PTPRT: variants seen among roughly 807,000 people sequenced by gnomAD.
PTPRT encodes the protein receptor-type tyrosine-protein phosphatase T.
Under a neutral mutation model 176.8 loss-of-function variants are expected in PTPRT, and 56 were observed. The observed-to-expected ratio is 0.32, with a 90% CI of 0.26 to 0.40. PTPRT has a LOEUF of 0.40. Among genes scored for constraint, PTPRT ranks in the 10% least tolerant of loss-of-function variants. The probability of loss-of-function intolerance (pLI) is 1.00; values close to 1 mark genes in which losing one functional copy is unlikely to be tolerated. For synonymous variants in PTPRT, 783 were observed against 739.0 expected (o/e 1.06, Z -0.96); for missense variants, 1,540 against 1,908.2 (o/e 0.81, Z 3.60).
intron 25 of PTPRT, 62 bp from the exon 26 acceptor site, chr20:42,102,359 A>T (rs905871842): frequency 6.5e-6 from 10 of 1,545,076 alleles, no homozygotes; most frequent in African/African-American, 2.7e-5. Flanking sequence ...AGCAAAAGAG[A>T]CAGTAATGTT....
intron 16 of PTPRT, among the ~76,000 whole-genome samples, chr20:42,166,164 G>A (rs968072942): frequency 2.0e-5 from 3 of 152,302 alleles, no homozygotes; most frequent in African/African-American, 4.8e-5. Context: ...GGTGCACACA[G>A]ACTTATCCAG....
At chr20:42,083,887 T>C (rs1352285383) in intron 29 of PTPRT, among the ~76,000 whole-genome samples, 7 of 152,230 alleles carry the variant, frequency 4.6e-5, no homozygotes, top group Non-Finnish European at 8.8e-5. Flanking sequence ...TGTGAGACTT[T>C]GTAGAATCCT....
intron 2 of PTPRT, among the ~76,000 whole-genome samples, chr20:42,831,757 A>G (rs2078093020): frequency 6.6e-6 from 1 of 152,252 alleles, no homozygotes; most frequent in Admixed American, 6.5e-5. Context: ...CATGCATCCA[A>G]CAAGCACATG....
rs149484825 is a variant in PTPRT at position 42,431,630 on chromosome 20, C to T, written c.1560+16590G>A. ...GTGATCTTTTTCTCTGATATCCAAA[C>T]ATTCTATAATATTGTTATAAAAATT... On this transcript the variant is annotated intron_variant, in intron 9 of 30. Transcript: ENST00000373187. 9.2e-5 allele frequency among the ~76,000 whole-genome samples: 14 copies of T among 152,290 alleles called. No homozygotes were observed. In the East Asian group the frequency reaches 2.5e-3, roughly 27 times the overall value.
intron 2 of PTPRT, among the ~76,000 whole-genome samples, chr20:42,847,026 T>C (rs1406231392): frequency 1.3e-5 from 2 of 152,164 alleles, no homozygotes; most frequent in Non-Finnish European, 2.9e-5. Context: ...GTGGTGATAA[T>C]AACAGTCTCC....
rs2075540067 is a variant in PTPRT at position 42,678,128 on chromosome 20, C to A, written c.891G>T (p.Leu297=). ...ACAGGTATGTGGCCCCCACAGCCAG[C>A]AGCTCTGGGGGAGCAATGGGCGTGG... is the stretch of plus-strand genomic sequence containing the variant. The part of the protein sequence containing the change: ...EPPTPIAPPE[L]LAVGATYLWI... Residue 297 remains leucine, a synonymous_variant, in exon 7 of 31, where the codon CTG becomes CTT. Transcript: ENST00000373187. 8 of 1,614,028 alleles carry A rather than the reference C, an allele frequency of 5.0e-6. No individual in the cohort carries two copies. The highest frequency in any genetic ancestry group is 6.8e-6 in the Non-Finnish European group (8 of 1,179,942).
chr20:42,155,390 C>A (rs1179874039), intron 17 of PTPRT, among the ~76,000 whole-genome samples: 2 of 152,188 alleles, frequency 1.3e-5, no homozygotes, highest in Admixed American at 1.3e-4. Context: ...GCGGCAGCCC[C>A]AGATAGTGAG....
intron 7 of PTPRT, among the ~76,000 whole-genome samples, chr20:42,659,427 G>A (rs1320090555): frequency 5.3e-5 from 8 of 152,284 alleles, no homozygotes; most frequent in South Asian, 2.1e-4. Flanking sequence ...ACAGAATACC[G>A]TTACCTTGAT....
chr20:42,800,164 G>A lies in PTPRT; in HGVS notation c.215-8698C>T, dbSNP rs551419295. 4.6e-5 allele frequency among the ~76,000 whole-genome samples: 7 copies of A among 152,216 alleles called. No homozygotes were observed. In the South Asian group the frequency reaches 1.5e-3, roughly 32 times the overall value. On this transcript the variant is annotated intron_variant, in intron 2 of 30. Coordinates refer to ENST00000373187, the MANE Select transcript of PTPRT (RefSeq NM_007050.6). ...TACTATCATTCTTCTTTTACAGTTGGGAAAACTGAGAAACAGAGAGCTTAA... is the reference window on the plus strand; with the variant it reads ...TACTATCATTCTTCTTTTACAGTTGAGAAAACTGAGAAACAGAGAGCTTAA...
At chr20:43,003,493 C>T (rs537482992) in intron 1 of PTPRT, among the ~76,000 whole-genome samples, 3 of 152,338 alleles carry the variant, frequency 2.0e-5, no homozygotes, top group South Asian at 2.1e-4. Flanking sequence ...TGAGAAACCA[C>T]GCCCAGCCTC....
At chr20:42,763,370 AAC>A (rs926766482) in intron 5 of PTPRT, among the ~76,000 whole-genome samples, 6 of 152,254 alleles carry the variant, frequency 3.9e-5, no homozygotes, top group Non-Finnish European at 8.8e-5. Flanking sequence ...GGTTTTGCAC[AAC>A]AGATACTATG....
chr20:42,729,277 G>A lies in PTPRT; in HGVS notation c.859+27185C>T, dbSNP rs181636104. Among the ~76,000 whole-genome samples, 194 of 152,166 alleles carry A rather than the reference G, an allele frequency of 1.3e-3. 2 individuals are homozygous for A. Among genetic ancestry groups the A allele is most frequent in the Admixed American group, 0.011 (163 of 15,294 alleles). On this transcript the variant is annotated intron_variant, in intron 6 of 30. Transcript: ENST00000373187. ...TTTCTGAGTCTACCCAGGGGGGTCGGTCTAGCGGATGCTATTAAAACCCAC... is the reference window on the plus strand; with the variant it reads ...TTTCTGAGTCTACCCAGGGGGGTCGATCTAGCGGATGCTATTAAAACCCAC...
chr20:42,773,515 A>G lies in PTPRT; in HGVS notation c.569-1965T>C, dbSNP rs117424568. 7.0e-3 allele frequency among the ~76,000 whole-genome samples: 1,072 copies of G among 152,282 alleles called. 8 individuals are homozygous for G. The highest frequency in any genetic ancestry group is 0.012 in the Non-Finnish European group (811 of 68,020). ...AATGACAGCAGCTCAGAGACCCCTC[A>G]GGCTACCTTTGAGCCACCATGGCTG... On this transcript the variant is annotated intron_variant, in intron 4 of 30. Coordinates refer to ENST00000373187, the MANE Select transcript of PTPRT (RefSeq NM_007050.6).
chr20:42,677,515 CCTCA>C lies in PTPRT; in HGVS notation c.1153+347_1153+350del, dbSNP rs577887597. ...CGGAGAAATTATTAGCATTAGAAAG[CCTCA>C]GACATACAAATGGCACCAGGAGTTC... On this transcript the variant is annotated intron_variant, in intron 7 of 30. Transcript: ENST00000373187. Among the ~76,000 whole-genome samples, 4 of 152,132 alleles carry C rather than the reference CCTCA, an allele frequency of 2.6e-5. No homozygotes were observed. In the East Asian group the frequency reaches 7.8e-4, roughly 30 times the overall value.
chr20:43,077,082 C>T (rs1285748146), intron 1 of PTPRT, among the ~76,000 whole-genome samples: 2 of 152,206 alleles, frequency 1.3e-5, no homozygotes, highest in African/African-American at 4.8e-5. Context: ...TGTGATCTGG[C>T]CCCAGCCCAC....
chr20:42,311,328 T>C (rs2057624983), intron 12 of PTPRT, among the ~76,000 whole-genome samples: 2 of 152,176 alleles, frequency 1.3e-5, no homozygotes, highest in Admixed American at 1.3e-4. Flanking sequence ...ACTAGGGTTT[T>C]GTACCTAGGC....
At chr20:43,131,356 A>G (rs2013640665) in intron 1 of PTPRT, among the ~76,000 whole-genome samples, 1 of 152,230 alleles carries the variant, frequency 6.6e-6, no homozygotes, top group Non-Finnish European at 1.5e-5. Context: ...GGGTAATTCC[A>G]GGGCAGATCT....
At position 42,780,264 on chromosome 20, in the gene PTPRT, A is replaced by G. The variant is rs2077195712; in HGVS notation, c.522T>C (p.Pro174=). The G allele has an allele frequency of 1.2e-6, 2 of 1,614,118 alleles. No individual in the cohort carries two copies. The highest frequency in any genetic ancestry group is 4.5e-5 in the East Asian group (2 of 44,872). The change falls in exon 4 of 31, where the codon CCT becomes CCC. Residue 174 remains proline, a synonymous_variant. Coordinates refer to ENST00000373187, the MANE Select transcript of PTPRT (RefSeq NM_007050.6). ...GGACCTCGTCCACGGCGATGTAGCCAGGATGACCCTTCAATGAGACGGATT... is the reference window on the plus strand; with the variant it reads ...GGACCTCGTCCACGGCGATGTAGCCGGGATGACCCTTCAATGAGACGGATT... ...IFESVSLKGH[P]GYIAVDEVRV...
chr20:42,662,454 C>T (rs1600568681), intron 7 of PTPRT, among the ~76,000 whole-genome samples: 1 of 152,096 alleles, frequency 6.6e-6, no homozygotes, highest in South Asian at 2.1e-4. Flanking sequence ...ATCTCTCTGG[C>T]CTTGGTAGTA....
Sources: gnomAD v4.1 joint callset for allele counts (sites outside exome capture counted in the v4.1 genomes callset) on GRCh38, gnomAD v4.1.1 for gene constraint, MANE v1.5 for transcripts, NCBI Gene and HGNC (gene_info 2026-07-23, HGNC 2026-07-21) for gene names.